The following LRRC57 variants were observed in gnomAD, a reference collection of about 807,000 sequenced individuals.
LRRC57 encodes the protein leucine-rich repeat-containing protein 57.
A neutral mutation model predicts 23.1 loss-of-function variants in LRRC57; 14 were observed. The observed-to-expected ratio is 0.61, with a 90% CI of 0.40 to 0.95. The LOEUF (loss-of-function observed/expected upper bound fraction) is 0.95. LRRC57 is among the 40% of genes least tolerant of loss of function. The probability of loss-of-function intolerance (pLI) is 0.00; values close to 1 mark genes in which losing one functional copy is unlikely to be tolerated. For synonymous variants in LRRC57, 106 were observed against 115.2 expected (o/e 0.92, Z 0.51); for missense variants, 236 against 284.4 (o/e 0.83, Z 1.22).
chr15:42,532,290 C>G, the LRRC57 span: 2 of 151,958 alleles, frequency 1.3e-5, no homozygotes, highest in Admixed American at 6.6e-5. Context: ...AGGGTTTCAC[C>G]ATGTCAAGCT....
At chr15:42,536,952 T>A (rs1201254095), downstream of LRRC57, among the ~76,000 whole-genome samples, 5 of 152,228 alleles carry the variant, frequency 3.3e-5, no homozygotes, top group Non-Finnish European at 7.3e-5. Flanking sequence ...CTGTGTCCCC[T>A]ATAGCCATGC....
At chr15:42,535,705 C>T (rs932017656), downstream of LRRC57, among the ~76,000 whole-genome samples, 3 of 152,112 alleles carry the variant, frequency 2.0e-5, no homozygotes, top group East Asian at 1.9e-4. Flanking sequence ...TGAGCCAACG[C>T]GCCCGGCTAT....
Position 42,543,942 on chromosome 15 carries a change from CATT to C in LRRC57, c.*138_*140del. On this transcript the variant is annotated 3_prime_UTR_variant, in exon 6 of 6. Transcript: ENST00000397130. The stretch of plus-strand genomic sequence containing the variant: ...GAAGAGCCCTGAAATGAGAAAAGAT[CATT>C]GAGTGAAATATAATCTCCTGAAGTA... 1.7e-6 allele frequency: 1 copy of C among 572,928 alleles called. No homozygotes were observed. Among genetic ancestry groups the C allele is most frequent in the East Asian group, 2.6e-5 (1 of 37,736 alleles). 35.5% of individuals were successfully genotyped at this position (572,928 alleles called of 1,614,324 possible).
downstream of LRRC57, among the ~76,000 whole-genome samples, chr15:42,533,940 A>G (rs968146245): frequency 3.3e-5 from 5 of 152,304 alleles, no homozygotes; most frequent in African/African-American, 1.2e-4. Flanking sequence ...ATACTTTACC[A>G]TGGGCCAGGC....
At chr15:42,533,062 T>C (rs905767947), downstream of LRRC57, 3 of 152,678 alleles carry the variant, frequency 2.0e-5, no homozygotes, top group African/African-American at 7.2e-5. Context: ...AACTAACTAA[T>C]GGTATTGTTC....
downstream of LRRC57, among the ~76,000 whole-genome samples, chr15:42,534,494 G>A (rs768903695): frequency 2.0e-5 from 3 of 152,196 alleles, no homozygotes; most frequent in Admixed American, 1.3e-4. Flanking sequence ...TTCCAAACCC[G>A]TGTTAATGTT....
downstream of LRRC57, among the ~76,000 whole-genome samples, chr15:42,537,254 C>CACACACACACACACAT (rs796745969): frequency 0.013 from 1,896 of 151,298 alleles, 46 homozygotes; most frequent in African/African-American, 0.044. Flanking sequence ...CACACACACA[C>CACACACACACACACAT]ACACACACAC....
At chr15:42,537,168 C>T (rs947950693), downstream of LRRC57, among the ~76,000 whole-genome samples, 5 of 151,852 alleles carry the variant, frequency 3.3e-5, no homozygotes, top group South Asian at 2.1e-4. Context: ...CACTTGGGCT[C>T]AGGTGTTCAG....
At chr15:42,533,838 C>T (rs1019333939), downstream of LRRC57, among the ~76,000 whole-genome samples, 4 of 152,228 alleles carry the variant, frequency 2.6e-5, no homozygotes, top group African/African-American at 9.6e-5. Flanking sequence ...TTTCCCAGTG[C>T]ATATAAAAGT....
intron 5 of LRRC57, among the ~76,000 whole-genome samples, 172 bp downstream of exon 5, chr15:42,544,905 A>G (rs992996785): frequency 6.6e-6 from 1 of 150,488 alleles, no homozygotes; most frequent in East Asian, 1.9e-4. Flanking sequence ...TAAGCTGTCT[A>G]TAGAGAAAAA....
intron 4 of LRRC57, chr15:42,545,587 T>A (rs1024398596): frequency 2.3e-5 from 4 of 173,800 alleles, no homozygotes; most frequent in Non-Finnish European, 4.8e-5. Flanking sequence ...TTACCTGGAA[T>A]CCACCACCCA....
rs923933271 is a variant in LRRC57, at chr15:42,542,610, G to A, written c.*1473C>T. The A allele has an allele frequency of 2.6e-5, 4 of 152,574 alleles. No homozygotes were observed. The highest frequency in any genetic ancestry group is 6.5e-5 in the Admixed American group (1 of 15,278). 9.5% of individuals were successfully genotyped at this position (152,574 alleles called of 1,614,324 possible). A position where few individuals can be genotyped will look rare whatever the true frequency, so the allele number is the denominator to read the frequency against. On this transcript the variant is annotated 3_prime_UTR_variant, in exon 6 of 6. Transcript: ENST00000397130. ...GTTGTTTTAAAATATTATAGTAATG[G>A]TTTATTGATAGGTAATTTGGTTAGT...
intron 3 of LRRC57, chr15:42,547,808 C>T (rs1265285982): frequency 1.8e-6 from 1 of 547,412 alleles, no homozygotes; most frequent in Admixed American, 3.5e-5. Context: ...GGAAGATCCT[C>T]CCCTTCTCAT....
downstream of LRRC57, among the ~76,000 whole-genome samples, chr15:42,534,414 C>T (rs1365903837): frequency 1.3e-5 from 2 of 152,188 alleles, no homozygotes; most frequent in African/African-American, 2.4e-5. Context: ...CAGGCGTGAG[C>T]CACCACACCC....
chr15:42,536,852 C>A (rs2057602790), downstream of LRRC57, among the ~76,000 whole-genome samples: 3 of 152,282 alleles, frequency 2.0e-5, no homozygotes, highest in South Asian at 4.1e-4. Context: ...TGACCTATAA[C>A]TAAAGAGGTA....
chr15:42,534,085 G>A (rs1272263129), downstream of LRRC57, among the ~76,000 whole-genome samples: 1 of 152,088 alleles, frequency 6.6e-6, no homozygotes, highest in Non-Finnish European at 1.5e-5. Flanking sequence ...AGCTGGGTGT[G>A]GTGGCATGTG....
At chr15:42,547,945 T>C in intron 3 of LRRC57, 161 bp downstream of exon 3, 1 of 657,774 alleles carries the variant, frequency 1.5e-6, no homozygotes. Flanking sequence ...TTATTTTAGA[T>C]GTAATTACAA....
Position 42,547,404 on chromosome 15 carries a change from C to T in LRRC57, c.349G>A (p.Gly117Arg), listed in dbSNP as rs1313571624. 1 of 1,614,166 alleles carries T rather than the reference C, an allele frequency of 6.2e-7. No homozygotes were observed. The highest frequency in any genetic ancestry group is 1.7e-5 in the Admixed American group (1 of 60,016). ...GGAGGTAATGCTCCCAGTTGGTTCC[C>T]AGAGAGGCTCAGGGTCTTGAGGGCA... is the stretch of plus-strand genomic sequence containing the variant. ...LSALKTLSLS[G>R]NQLGALPPQL... Residue 117 changes from glycine to arginine, a missense_variant, in exon 4 of 6, where the codon GGG (glycine) becomes AGG (arginine). Physicochemically the swap from Gly to Arg is moderately radical, Grantham distance 125 (BLOSUM62 -2). Coordinates refer to ENST00000397130, the MANE Select transcript of LRRC57 (RefSeq NM_153260.3).
At position 42,543,817 on chromosome 15, in the gene LRRC57, T is replaced by C; in HGVS notation, c.*266A>G. ...AGCTACTGGTTTCTTAAAGCCAAAC[T>C]AATGATGGTTTTGAAGAGAACCTTG... On this transcript the variant is annotated 3_prime_UTR_variant, in exon 6 of 6. Coordinates refer to ENST00000397130, the MANE Select transcript of LRRC57 (RefSeq NM_153260.3). 1 of 354,692 alleles carries C rather than the reference T, an allele frequency of 2.8e-6. No homozygotes were observed. Among genetic ancestry groups the C allele is most frequent in the Non-Finnish European group, 5.1e-6 (1 of 197,032 alleles). 22.0% of individuals were successfully genotyped at this position (354,692 alleles called of 1,614,324 possible).
Sources: allele counts gnomAD v4.1 joint callset (sites outside exome capture counted in the v4.1 genomes callset), GRCh38; gene constraint gnomAD v4.1.1; transcripts MANE v1.5; gene names NCBI Gene and HGNC (gene_info 2026-07-23, HGNC 2026-07-21).